The following PDE1C variants were observed in gnomAD, a reference collection of about 807,000 sequenced individuals.
PDE1C encodes the protein phosphodiesterase 1C.
Under a neutral mutation model 93.1 loss-of-function variants are expected in PDE1C, and 62 were observed. That is an observed-to-expected ratio of 0.67 (90% CI 0.54 to 0.82). PDE1C has a LOEUF of 0.82. PDE1C is among the 40% of genes least tolerant of loss of function. The pLI is 0.00. For missense variants in PDE1C, 742 were observed against 884.6 expected, an observed-to-expected ratio of 0.84 and a Z score of 2.04; for synonymous variants, 325 against 310.1, an observed-to-expected ratio of 1.05 and a Z score of -0.50.
chr7:32,121,109 T>C (rs1254110059), intron 3 of PDE1C, among the ~76,000 whole-genome samples: 1 of 151,896 alleles, frequency 6.6e-6, no homozygotes, highest in Non-Finnish European at 1.5e-5. Flanking sequence ...GCTGAATCAA[T>C]CAAGCAAAAG....
chr7:31,947,275 C>T (rs1197186888), intron 2 of PDE1C, among the ~76,000 whole-genome samples: 1 of 152,122 alleles, frequency 6.6e-6, no homozygotes, highest in Admixed American at 6.6e-5. Flanking sequence ...GAGAGTAATC[C>T]ACTTTACTCA....
chr7:32,066,555 A>G (rs559532361), intron 1 of PDE1C, among the ~76,000 whole-genome samples: 1 of 152,322 alleles, frequency 6.6e-6, no homozygotes, highest in African/African-American at 2.4e-5. Context: ...AAAATGCAGC[A>G]TAGAAACACG....
intron 1 of PDE1C, among the ~76,000 whole-genome samples, chr7:32,424,516 C>T (rs1041909098): frequency 6.6e-6 from 1 of 152,218 alleles, no homozygotes; most frequent in Admixed American, 6.5e-5. Context: ...GGTGCAGTGG[C>T]TCATGCCTAT....
chr7:32,403,891 CT>C (rs1485198714), intron 1 of PDE1C, among the ~76,000 whole-genome samples: 1 of 152,082 alleles, frequency 6.6e-6, no homozygotes, highest in Non-Finnish European at 1.5e-5. Context: ...TCCAGTTCTT[CT>C]TTTTTCTTTT....
At chr7:31,964,357 T>C (rs1384031073) in intron 2 of PDE1C, among the ~76,000 whole-genome samples, 1 of 151,802 alleles carries the variant, frequency 6.6e-6, no homozygotes, top group Non-Finnish European at 1.5e-5. Context: ...CCTCGCTCAC[T>C]GCTAGCACAG....
At chr7:31,844,579 C>T (rs1423307056) in intron 9 of PDE1C, among the ~76,000 whole-genome samples, 6 of 151,888 alleles carry the variant, frequency 4.0e-5, no homozygotes, top group African/African-American at 1.4e-4. Context: ...TTATCTTTGC[C>T]TCTCAGCAGT....
At chr7:31,873,768 C>A (rs1434216972) in intron 5 of PDE1C, among the ~76,000 whole-genome samples, 2 of 152,134 alleles carry the variant, frequency 1.3e-5, no homozygotes, top group Admixed American at 1.3e-4. Flanking sequence ...TTCCCTAACA[C>A]CCAAGGTGCG....
intron 3 of PDE1C, among the ~76,000 whole-genome samples, chr7:32,164,268 G>C (rs1013687203): frequency 2.0e-5 from 3 of 152,158 alleles, no homozygotes; most frequent in Non-Finnish European, 2.9e-5. Flanking sequence ...ATCCAAAAAG[G>C]GTAGGTGGAT....
At chr7:32,216,948 G>A (rs1323532392) in intron 1 of PDE1C, among the ~76,000 whole-genome samples, 2 of 152,172 alleles carry the variant, frequency 1.3e-5, no homozygotes, top group Non-Finnish European at 2.9e-5. Flanking sequence ...CAGCCTGCAG[G>A]CAATGGGGGC....
intron 1 of PDE1C, among the ~76,000 whole-genome samples, chr7:32,310,384 C>T (rs1782993716): frequency 6.6e-6 from 1 of 152,202 alleles, no homozygotes; most frequent in African/African-American, 2.4e-5. Flanking sequence ...ATGACCTCAG[C>T]TCTGCCACCA....
intron 1 of PDE1C, among the ~76,000 whole-genome samples, chr7:32,336,301 A>C (rs1783623442): frequency 6.6e-6 from 1 of 152,182 alleles, no homozygotes; most frequent in Non-Finnish European, 1.5e-5. Context: ...TATATTATCC[A>C]ACAAACTATC....
At chr7:32,350,590 A>ATATATTTT (rs1783951157) in intron 1 of PDE1C, among the ~76,000 whole-genome samples, 1 of 3,144 alleles carries the variant, frequency 3.2e-4, no homozygotes, top group African/African-American at 3.7e-4. Context: ...ATATATATAT[A>ATATATTTT]TTTTTTTTTT....
chr7:32,067,489 C>T (rs1162254597), intron 1 of PDE1C, among the ~76,000 whole-genome samples: 2 of 152,130 alleles, frequency 1.3e-5, no homozygotes, highest in Non-Finnish European at 2.9e-5. Flanking sequence ...GTATAGGGGA[C>T]ACCTCCCTGC....
At chr7:31,974,344 C>A (rs948275008) in intron 2 of PDE1C, among the ~76,000 whole-genome samples, 3 of 152,130 alleles carry the variant, frequency 2.0e-5, no homozygotes, top group African/African-American at 7.2e-5. Flanking sequence ...CAACAAAAAT[C>A]TTTGTCAAAT....
chr7:31,641,523 A>T, the PDE1C span, among the ~76,000 whole-genome samples: 1 of 152,226 alleles, frequency 6.6e-6, no homozygotes, highest in Non-Finnish European at 1.5e-5. Context: ...ACACTCTGGT[A>T]GCCAACTATT....
At chr7:32,047,420 A>G (rs760728892) in intron 2 of PDE1C, among the ~76,000 whole-genome samples, 6 of 152,166 alleles carry the variant, frequency 3.9e-5, no homozygotes, top group Non-Finnish European at 8.8e-5. Context: ...GTGGATTTAA[A>G]ACCCAATCCA....
chr7:31,764,780 C>G (rs1471277427), intron 17 of PDE1C, among the ~76,000 whole-genome samples: 1 of 152,082 alleles, frequency 6.6e-6, no homozygotes, highest in African/African-American at 2.4e-5. Flanking sequence ...ATATGCATCC[C>G]CAGAACTTAA....
chr7:32,162,578 A>AC (rs1280242458), intron 3 of PDE1C, among the ~76,000 whole-genome samples: 1 of 151,936 alleles, frequency 6.6e-6, no homozygotes, highest in Non-Finnish European at 1.5e-5. Flanking sequence ...AGCTCTAAAA[A>AC]AAGTTCAGCA....
downstream of PDE1C, among the ~76,000 whole-genome samples, chr7:31,747,577 A>G (rs1397732831): frequency 6.6e-6 from 1 of 152,122 alleles, no homozygotes; most frequent in Non-Finnish European, 1.5e-5. Context: ...TGCAGTAGAG[A>G]AAGAGTTTAA....
Sources: allele counts gnomAD v4.1 joint callset (sites outside exome capture counted in the v4.1 genomes callset), GRCh38; gene constraint gnomAD v4.1.1; transcripts MANE v1.5; gene names NCBI Gene and HGNC (gene_info 2026-07-23, HGNC 2026-07-21).